The following CADM2 variants were observed in gnomAD, a reference collection of about 807,000 sequenced individuals.
The protein encoded by CADM2 is immunoglobulin superfamily member 4D.
CADM2 carries 12 observed loss-of-function variants against 49.8 expected under a neutral mutation model. The ratio of observed to expected loss-of-function variants is 0.24; its 90% CI spans 0.15 to 0.39. The LOEUF is 0.39. Ranked by LOEUF, CADM2 falls within the 10% of genes least tolerant of loss-of-function variation. CADM2 has a pLI of 1.00. For synonymous variants in CADM2, 214 were observed against 175.4 expected, an observed-to-expected ratio of 1.22 and a Z score of -1.74; for missense variants, 378 against 492.3, an observed-to-expected ratio of 0.77 and a Z score of 2.20.
intron 1 of CADM2, among the ~76,000 whole-genome samples, chr3:85,497,675 A>C (rs765322546): frequency 2.0e-5 from 3 of 152,088 alleles, no homozygotes; most frequent in Non-Finnish European, 2.9e-5. Flanking sequence ...AACAAGCAGT[A>C]TCTCCTAAAA....
chr3:85,119,566 A>T (rs2038777679), intron 1 of CADM2, among the ~76,000 whole-genome samples: 1 of 152,060 alleles, frequency 6.6e-6, no homozygotes, highest in Non-Finnish European at 1.5e-5. Flanking sequence ...TGGGGATAGC[A>T]CTGAATCTAT....
intron 1 of CADM2, among the ~76,000 whole-genome samples, chr3:85,392,550 A>G (rs1472359460): frequency 6.6e-6 from 1 of 152,100 alleles, no homozygotes; most frequent in Non-Finnish European, 1.5e-5. Context: ...CAGAACATAC[A>G]TCCTCCTAAT....
At chr3:86,007,897 A>G (rs573554251) in intron 8 of CADM2, among the ~76,000 whole-genome samples, 5 of 152,336 alleles carry the variant, frequency 3.3e-5, no homozygotes, top group South Asian at 4.1e-4. Context: ...CAGATGAGCA[A>G]TGTCTTGTTC....
intron 7 of CADM2, among the ~76,000 whole-genome samples, chr3:85,943,722 C>T (rs56069708): frequency 0.017 from 2,613 of 151,914 alleles, 76 homozygotes; most frequent in African/African-American, 0.06. Context: ...TGGAACCAAA[C>T]AGAGCCCTCA....
chr3:85,157,209 T>A (rs1271716733), intron 1 of CADM2, among the ~76,000 whole-genome samples: 11 of 151,976 alleles, frequency 7.2e-5, no homozygotes, highest in African/African-American at 2.2e-4. Context: ...CAAATGGAAG[T>A]ACATTCCATG....
chr3:85,047,904 T>C (rs2035729064), intron 1 of CADM2, among the ~76,000 whole-genome samples: 2 of 152,062 alleles, frequency 1.3e-5, no homozygotes, highest in South Asian at 4.1e-4. Context: ...TAATATATTG[T>C]TTTTGTGATG....
chr3:85,292,918 A>C (rs932716195), intron 1 of CADM2, among the ~76,000 whole-genome samples: 1 of 152,088 alleles, frequency 6.6e-6, no homozygotes, highest in Non-Finnish European at 1.5e-5. Context: ...AAGCTAGCAG[A>C]AGGCAAGAAA....
At chr3:85,823,006 A>G (rs567118486) in intron 3 of CADM2, among the ~76,000 whole-genome samples, 1 of 152,302 alleles carries the variant, frequency 6.6e-6, no homozygotes, top group East Asian at 1.9e-4. Context: ...CCTTGCAATC[A>G]GTAGAAAGAT....
intron 1 of CADM2, among the ~76,000 whole-genome samples, chr3:85,091,059 A>T (rs538970499): frequency 3.3e-5 from 5 of 152,204 alleles, no homozygotes; most frequent in Non-Finnish European, 5.9e-5. Flanking sequence ...GATTGCGGGG[A>T]TACAATACAG....
intron 1 of CADM2, among the ~76,000 whole-genome samples, chr3:85,140,643 G>A (rs998914751): frequency 5.9e-5 from 9 of 152,176 alleles, no homozygotes; most frequent in Non-Finnish European, 1.0e-4. Context: ...TGAGTTTGAA[G>A]ATCAGGTTTT....
chr3:84,976,981 G>A (rs1173588448), intron 1 of CADM2, among the ~76,000 whole-genome samples: 2 of 151,874 alleles, frequency 1.3e-5, no homozygotes, highest in Non-Finnish European at 2.9e-5. Context: ...AATTCACCAT[G>A]AGCAAAGACA....
intron 1 of CADM2, among the ~76,000 whole-genome samples, chr3:84,976,948 A>G (rs1318025585): frequency 6.6e-6 from 1 of 151,958 alleles, no homozygotes; most frequent in Non-Finnish European, 1.5e-5. Context: ...TTTTTACTGT[A>G]AAAGATAGAC....
At chr3:85,679,958 T>C (rs905954534) in intron 1 of CADM2, among the ~76,000 whole-genome samples, 4 of 152,090 alleles carry the variant, frequency 2.6e-5, no homozygotes, top group African/African-American at 7.2e-5. Context: ...CACTGAATTA[T>C]CACAATCCAT....
At chr3:85,403,862 TA>T (rs2035241366) in intron 1 of CADM2, among the ~76,000 whole-genome samples, 1 of 152,102 alleles carries the variant, frequency 6.6e-6, no homozygotes, top group African/African-American at 2.4e-5. Flanking sequence ...TATGACATGT[TA>T]AAAATGCATT....
At chr3:85,614,560 C>T (rs971315774) in intron 1 of CADM2, among the ~76,000 whole-genome samples, 1 of 151,764 alleles carries the variant, frequency 6.6e-6, no homozygotes, top group African/African-American at 2.4e-5. Context: ...ATATTCTCCC[C>T]CTTTCACTTA....
chr3:85,718,891 A>G (rs925846872), intron 1 of CADM2, among the ~76,000 whole-genome samples: 1 of 86,406 alleles, frequency 1.2e-5, no homozygotes, highest in African/African-American at 3.1e-5. Context: ...TTTTATTATT[A>G]TTATTATTAT....
chr3:86,008,653 T>C (rs1731087303), intron 8 of CADM2, among the ~76,000 whole-genome samples: 2 of 152,006 alleles, frequency 1.3e-5, no homozygotes, highest in South Asian at 4.1e-4. Context: ...AAATTTTAAT[T>C]TGGAATCTTG....
chr3:85,537,203 A>C (rs1370624878), intron 1 of CADM2, among the ~76,000 whole-genome samples: 1 of 152,130 alleles, frequency 6.6e-6, no homozygotes, highest in Non-Finnish European at 1.5e-5. Context: ...TAACTTAAGC[A>C]GAATTATACC....
chr3:85,291,175 A>G (rs898209430), intron 1 of CADM2, among the ~76,000 whole-genome samples: 27 of 152,166 alleles, frequency 1.8e-4, no homozygotes, highest in Non-Finnish European at 3.5e-4. Context: ...ATCAACTGGA[A>G]GAAAGGGTAT....
Sources: allele counts gnomAD v4.1 joint callset (sites outside exome capture counted in the v4.1 genomes callset), GRCh38; gene constraint gnomAD v4.1.1; transcripts MANE v1.5; gene names NCBI Gene and HGNC (gene_info 2026-07-23, HGNC 2026-07-21).